CDKAL1: variants seen among roughly 807,000 people sequenced by gnomAD.
CDKAL1 encodes the protein threonylcarbamoyladenosine tRNA methylthiotransferase.
In CDKAL1, 32 loss-of-function variants were observed where a neutral mutation model predicts 68.2. The ratio of observed to expected loss-of-function variants is 0.47; its 90% CI spans 0.35 to 0.63. The LOEUF is 0.63. CDKAL1 is among the 30% of genes least tolerant of loss of function. The pLI, the probability that CDKAL1 is intolerant of heterozygous loss-of-function variation, is 0.00. For missense variants in CDKAL1, 606 were observed against 696.7 expected (o/e 0.87, Z 1.47); for synonymous variants, 234 against 244.3 (o/e 0.96, Z 0.39).
At position 21,152,251 on chromosome 6, in the gene CDKAL1, A is replaced by G. The variant is rs149352932; in HGVS notation, c.1299+43788A>G. ...CTTCAGCCTGTCCTGGAATCCCACC[A>G]GTTGTTCCCCAGTAGTCTCTGTCTT... On this transcript the variant is annotated intron_variant, in intron 13 of 15. Transcript: ENST00000274695. Among the ~76,000 whole-genome samples, 804 of 152,246 alleles carry G rather than the reference A, an allele frequency of 5.3e-3. 6 individuals carry two copies. Among genetic ancestry groups the G allele is most frequent in the Middle Eastern group, 0.024 (7 of 294 alleles).
intron 13 of CDKAL1, among the ~76,000 whole-genome samples, chr6:21,163,121 A>C (rs1207172311): frequency 2.0e-5 from 3 of 152,148 alleles, no homozygotes; most frequent in South Asian, 2.1e-4. Flanking sequence ...TCTGCCTTTA[A>C]ATTTAAGCCT....
chr6:21,093,686 T>TGCTGCTGC (rs1773162027), intron 12 of CDKAL1, among the ~76,000 whole-genome samples: 2 of 143,670 alleles, frequency 1.4e-5, no homozygotes, highest in Non-Finnish European at 3.0e-5. Flanking sequence ...ACTGAGCTGC[T>TGCTGCTGC]GCTGCTGCTT....
intron 8 of CDKAL1, among the ~76,000 whole-genome samples, chr6:20,782,343 C>T (rs1314500670): frequency 6.6e-6 from 1 of 152,214 alleles, no homozygotes; most frequent in Non-Finnish European, 1.5e-5. Context: ...GAAACCCAAA[C>T]TTATCAAGCT....
intron 2 of CDKAL1, among the ~76,000 whole-genome samples, chr6:20,544,649 C>T (rs914619775): frequency 1.4e-5 from 2 of 147,568 alleles, no homozygotes; most frequent in African/African-American, 5.0e-5. Flanking sequence ...TCTTACTTTA[C>T]TCTTCTCAAA....
At chr6:20,978,973 C>G (rs948938394) in intron 10 of CDKAL1, among the ~76,000 whole-genome samples, 7 of 152,068 alleles carry the variant, frequency 4.6e-5, no homozygotes, top group Non-Finnish European at 1.5e-5. Flanking sequence ...ATTTTAGGCT[C>G]CTATAATTTA....
At chr6:21,144,807 CAA>C (rs1229572277) in intron 13 of CDKAL1, among the ~76,000 whole-genome samples, 3 of 151,492 alleles carry the variant, frequency 2.0e-5, no homozygotes, top group African/African-American at 4.9e-5. Flanking sequence ...ACCTTGTCTC[CAA>C]AAAGAAAACA....
intron 7 of CDKAL1, among the ~76,000 whole-genome samples, chr6:20,761,855 T>G (rs1311282713): frequency 6.6e-6 from 1 of 152,214 alleles, no homozygotes; most frequent in Non-Finnish European, 1.5e-5. Flanking sequence ...ATTGTCATTA[T>G]ATATTTGTTT....
At chr6:20,917,783 G>C (rs911930075) in intron 9 of CDKAL1, among the ~76,000 whole-genome samples, 4 of 152,128 alleles carry the variant, frequency 2.6e-5, no homozygotes, top group African/African-American at 9.7e-5. Context: ...AAATATACTT[G>C]CTGTTTTCTG....
chr6:20,767,970 A>G (rs1434858828), intron 7 of CDKAL1, among the ~76,000 whole-genome samples: 2 of 152,238 alleles, frequency 1.3e-5, no homozygotes, highest in East Asian at 3.8e-4. Context: ...AAAGAAGTTT[A>G]TCTCAGTACT....
chr6:20,694,731 G>A lies in CDKAL1; in HGVS notation c.372-44788G>A, dbSNP rs1032450168. Among the ~76,000 whole-genome samples, 4 of 152,160 alleles carry A rather than the reference G, an allele frequency of 2.6e-5. No homozygotes were observed. In the East Asian group the frequency reaches 5.8e-4, roughly 22 times the overall value. On this transcript the variant is annotated intron_variant, in intron 5 of 15. Coordinates refer to ENST00000274695, the MANE Select transcript of CDKAL1 (RefSeq NM_017774.3). ...TAGGAAATGTTTTTAAGTCCCTGCTGTTGTTTGAATATTTGATTCTCCAAA... is the reference window on the plus strand; with the variant it reads ...TAGGAAATGTTTTTAAGTCCCTGCTATTGTTTGAATATTTGATTCTCCAAA...
intron 7 of CDKAL1, among the ~76,000 whole-genome samples, chr6:20,766,382 T>C (rs980950238): frequency 1.3e-5 from 2 of 152,170 alleles, no homozygotes; most frequent in East Asian, 3.8e-4. Flanking sequence ...TACACTGTTA[T>C]AGTGGTTTAC....
At chr6:20,558,564 A>G (rs938172124) in intron 4 of CDKAL1, 1 of 456,732 alleles carries the variant, frequency 2.2e-6, no homozygotes, top group Non-Finnish European at 4.4e-6. Context: ...TGGGAATCCT[A>G]TACTTGGAAT....
At chr6:20,658,886 C>G (rs1009147225) in intron 5 of CDKAL1, among the ~76,000 whole-genome samples, 1 of 152,198 alleles carries the variant, frequency 6.6e-6, no homozygotes, top group African/African-American at 2.4e-5. Flanking sequence ...ACGATCACGG[C>G]TTACTGTAGC....
At position 20,597,291 on chromosome 6, in the gene CDKAL1, G is replaced by A. The variant is rs145875150; in HGVS notation, c.286+48586G>A. The stretch of plus-strand genomic sequence containing the variant: ...CTACAGGCGCCTGCCACCACGCCTT[G>A]CTAATTTTTTGTATTTTTGGTAGAG... On this transcript the variant is annotated intron_variant, in intron 4 of 15. Coordinates refer to ENST00000274695, the MANE Select transcript of CDKAL1 (RefSeq NM_017774.3). Among the ~76,000 whole-genome samples the A allele has an allele frequency of 3.8e-3, 574 of 151,972 alleles. 4 individuals are homozygous for A. The highest frequency in any genetic ancestry group is 0.013 in the African/African-American group (552 of 41,434).
chr6:21,135,815 G>C, intron 13 of CDKAL1: 1 of 428,840 alleles, frequency 2.3e-6, no homozygotes, highest in Non-Finnish European at 3.1e-6. Context: ...ATTGGAGAAC[G>C]GGTGCCATCC....
chr6:20,908,531 A>G (rs1399064840), intron 9 of CDKAL1, among the ~76,000 whole-genome samples: 1 of 152,250 alleles, frequency 6.6e-6, no homozygotes, highest in African/African-American at 2.4e-5. Context: ...CAGTTGTGTC[A>G]TAAACCAACT....
At chr6:21,191,986 ATTTTTCTTTTTTTTTTTT>A (rs1778260390) in intron 13 of CDKAL1, among the ~76,000 whole-genome samples, 1 of 23,334 alleles carries the variant, frequency 4.3e-5, no homozygotes, top group Non-Finnish European at 9.5e-5. Context: ...TTTATAATTC[ATTTTTCTTTTTTTTTTTT>A]TTTTTTTTTT....
intron 9 of CDKAL1, among the ~76,000 whole-genome samples, chr6:20,938,777 T>C (rs1046065227): frequency 5.9e-5 from 9 of 152,154 alleles, no homozygotes; most frequent in African/African-American, 1.9e-4. Context: ...TTTTTTTTTC[T>C]GTTGAATATA....
In CDKAL1 at chr6:20,994,605, G is replaced by C. The variant is rs578138522; in HGVS notation, c.910-5622G>C. 7.2e-5 allele frequency among the ~76,000 whole-genome samples: 11 copies of C among 152,306 alleles called. No individual in the cohort carries two copies. In the Middle Eastern group the frequency reaches 0.01, roughly 141 times the overall value. The stretch of plus-strand genomic sequence containing the variant: ...TTCATTGTTACAGGCATACCTCAGA[G>C]ATACTGCAGGTTTGGTTCCAGACCT... On this transcript the variant is annotated intron_variant, in intron 10 of 15. Coordinates refer to ENST00000274695, the MANE Select transcript of CDKAL1 (RefSeq NM_017774.3).
Sources: gnomAD v4.1 joint callset for allele counts (sites outside exome capture counted in the v4.1 genomes callset) on GRCh38, gnomAD v4.1.1 for gene constraint, MANE v1.5 for transcripts, NCBI Gene and HGNC (gene_info 2026-07-23, HGNC 2026-07-21) for gene names.